The following BBS9 variants were observed in gnomAD, a reference collection of about 807,000 sequenced individuals.
The protein encoded by BBS9 is Bardet-Biedl syndrome 9.
BBS9 carries 89 observed loss-of-function variants against 117.7 expected under a neutral mutation model. That is an observed-to-expected ratio of 0.76 (90% confidence interval 0.64 to 0.90). BBS9 has a LOEUF of 0.90. BBS9 is among the 40% of genes least tolerant of loss of function. BBS9 has a pLI of 0.00. For synonymous variants in BBS9, 379 were observed against 370.9 expected (o/e 1.02, Z -0.25); for missense variants, 982 against 1,042.2 (o/e 0.94, Z 0.80).
chr7:33,393,710 T>G (rs1193555903), intron 19 of BBS9, among the ~76,000 whole-genome samples: 1 of 152,148 alleles, frequency 6.6e-6, no homozygotes, highest in African/African-American at 2.4e-5. Context: ...TGCATCTTTT[T>G]GGGACAAACA....
At chr7:33,634,184 C>T (rs1866035698) in intron 21 of BBS9, among the ~76,000 whole-genome samples, 2 of 152,216 alleles carry the variant, frequency 1.3e-5, no homozygotes, top group Non-Finnish European at 2.9e-5. Flanking sequence ...CCAGGAGTGC[C>T]TGAGCCTTGG....
chr7:33,526,668 T>A (rs1236304457), intron 20 of BBS9, among the ~76,000 whole-genome samples: 1 of 144,484 alleles, frequency 6.9e-6, no homozygotes, highest in East Asian at 2.0e-4. Flanking sequence ...TTTCAAAGTT[T>A]TCAACCTCTT....
At chr7:33,605,060 T>G in intron 22 of BBS9, 85 bp downstream of exon 22, 1 of 1,460,764 alleles carries the variant, frequency 6.8e-7, no homozygotes, top group Non-Finnish European at 9.6e-7. Context: ...CAGAGAGCAT[T>G]CCGCAAAGCT....
At chr7:33,285,617 A>T (rs1388160033) in intron 9 of BBS9, among the ~76,000 whole-genome samples, 2 of 152,078 alleles carry the variant, frequency 1.3e-5, no homozygotes, top group African/African-American at 4.8e-5. Context: ...TATTATATTG[A>T]TGGGGCTTAA....
At chr7:33,224,525 C>A (rs76476071) in intron 5 of BBS9, among the ~76,000 whole-genome samples, 2,336 of 152,240 alleles carry the variant, frequency 0.015, 64 homozygotes, top group African/African-American at 0.053. Context: ...GTTAGTAACA[C>A]CAAATTTTTC....
At chr7:33,423,445 A>G (rs1160517869) in intron 19 of BBS9, among the ~76,000 whole-genome samples, 2 of 151,908 alleles carry the variant, frequency 1.3e-5, no homozygotes, top group African/African-American at 4.8e-5. Flanking sequence ...AGAAAAACAA[A>G]GGTTTTTGAG....
chr7:33,192,772 G>A (rs1439333316), intron 5 of BBS9, among the ~76,000 whole-genome samples: 2 of 152,188 alleles, frequency 1.3e-5, no homozygotes, highest in African/African-American at 4.8e-5. Context: ...TGTGCAGCTA[G>A]GGCCTGTTCC....
At chr7:33,141,039 G>T (rs536306253) in intron 1 of BBS9, among the ~76,000 whole-genome samples, 2 of 152,204 alleles carry the variant, frequency 1.3e-5, no homozygotes, top group South Asian at 2.1e-4. Flanking sequence ...GTTTCCCAAT[G>T]AAAACAGTAC....
intron 21 of BBS9, among the ~76,000 whole-genome samples, chr7:33,614,950 G>A: frequency 6.6e-6 from 1 of 152,128 alleles, no homozygotes; most frequent in East Asian, 1.9e-4. Context: ...CCTAACCAAC[G>A]TGAAAGACGG....
intron 19 of BBS9, among the ~76,000 whole-genome samples, chr7:33,437,535 C>G (rs865776746): frequency 6.6e-6 from 1 of 152,290 alleles, no homozygotes; most frequent in Admixed American, 6.5e-5. Context: ...TACTACTACA[C>G]AAGAAGTCAT....
intron 21 of BBS9, among the ~76,000 whole-genome samples, chr7:33,623,976 T>G (rs75783604): frequency 9.0e-6 from 1 of 110,764 alleles, no homozygotes; most frequent in East Asian, 2.3e-4. Flanking sequence ...CTTTCATTCA[T>G]TCTATTATTA....
chr7:33,306,363 G>GT (rs1321392098), intron 9 of BBS9, among the ~76,000 whole-genome samples: 2 of 151,950 alleles, frequency 1.3e-5, no homozygotes, highest in African/African-American at 4.8e-5. Flanking sequence ...GCTACTGAAG[G>GT]TTTTTTCCTT....
At chr7:33,492,761 A>C (rs73317078) in intron 19 of BBS9, among the ~76,000 whole-genome samples, 16,034 of 149,856 alleles carry the variant, frequency 0.11, 903 homozygotes, top group South Asian at 0.18. Context: ...TCTCATACTC[A>C]CTTAACCTGA....
intron 4 of BBS9, among the ~76,000 whole-genome samples, chr7:33,160,316 GA>G (rs1440055639): frequency 6.6e-6 from 1 of 152,316 alleles, no homozygotes; most frequent in East Asian, 1.9e-4. Context: ...AGGTTAAGAG[GA>G]GTGGACCAAT....
chr7:33,350,287 C>T (rs1818394955), intron 13 of BBS9, among the ~76,000 whole-genome samples: 1 of 152,144 alleles, frequency 6.6e-6, no homozygotes, highest in Non-Finnish European at 1.5e-5. Context: ...AGTAGGAATT[C>T]AACAAATCTT....
At chr7:33,177,022 T>A (rs1797420449) in intron 4 of BBS9, among the ~76,000 whole-genome samples, 1 of 152,152 alleles carries the variant, frequency 6.6e-6, no homozygotes, top group Non-Finnish European at 1.5e-5. Flanking sequence ...TAGAATATAA[T>A]TAGGGGCTTG....
chr7:33,609,421 T>G (rs113403678), downstream of BBS9, among the ~76,000 whole-genome samples: 5 of 152,312 alleles, frequency 3.3e-5, no homozygotes, highest in African/African-American at 1.2e-4. Flanking sequence ...CATCTCATCT[T>G]AATGAGTTAA....
intron 19 of BBS9, among the ~76,000 whole-genome samples, chr7:33,417,488 G>C (rs967296348): frequency 3.3e-5 from 5 of 152,132 alleles, no homozygotes; most frequent in African/African-American, 1.2e-4. Context: ...GTCATTCAAT[G>C]CAATCTAAGA....
At chr7:33,468,644 C>T (rs1840522761) in intron 19 of BBS9, among the ~76,000 whole-genome samples, 2 of 152,108 alleles carry the variant, frequency 1.3e-5, no homozygotes, top group African/African-American at 2.4e-5. Context: ...GTTAACCAAC[C>T]TCTCTGCCTG....
Sources: gnomAD v4.1 joint callset for allele counts (sites outside exome capture counted in the v4.1 genomes callset) on GRCh38, gnomAD v4.1.1 for gene constraint, MANE v1.5 for transcripts, NCBI Gene and HGNC (gene_info 2026-07-23, HGNC 2026-07-21) for gene names.